Variants in VPS41 observed in about 807,000 individuals in gnomAD.
VPS41 encodes the protein VPS41 subunit of HOPS complex, also known as vacuolar protein sorting-associated protein 41 homolog.
A neutral mutation model predicts 130.9 loss-of-function variants in VPS41; 85 were observed. That is an observed-to-expected ratio of 0.65 (90% CI 0.55 to 0.78). The LOEUF is 0.78. VPS41 is among the 30% of genes least tolerant of loss of function. The probability of loss-of-function intolerance (pLI) is 0.00; values close to 1 mark genes in which losing one functional copy is unlikely to be tolerated. For missense variants in VPS41, 874 were observed against 1,018.7 expected (o/e 0.86, Z 1.93); for synonymous variants, 335 against 332.9 (o/e 1.01, Z -0.07).
chr7:38,841,076 T>C (rs1167183676), intron 4 of VPS41, among the ~76,000 whole-genome samples: 2 of 152,246 alleles, frequency 1.3e-5, no homozygotes. Context: ...TTGAGGGTTG[T>C]AGATTTTTTA....
chr7:38,802,805 G>C (rs1410495917), intron 7 of VPS41, among the ~76,000 whole-genome samples: 1 of 152,000 alleles, frequency 6.6e-6, no homozygotes, highest in Non-Finnish European at 1.5e-5. Flanking sequence ...GCATTTTATG[G>C]GGTAAGCCAT....
At chr7:38,778,718 T>C (rs1434985586) in intron 10 of VPS41, among the ~76,000 whole-genome samples, 1 of 152,174 alleles carries the variant, frequency 6.6e-6, no homozygotes, top group Non-Finnish European at 1.5e-5. Context: ...TGTGCTTGTC[T>C]GCCACAGACA....
chr7:38,741,078 C>T (rs941440453), intron 25 of VPS41, among the ~76,000 whole-genome samples: 6 of 152,178 alleles, frequency 3.9e-5, no homozygotes, highest in African/African-American at 1.4e-4. Flanking sequence ...TGCCTCTTAC[C>T]TAAGGCTGTC....
rs149027868 is a variant in VPS41 at position 38,728,712 on chromosome 7, A to G, written c.2339T>C (p.Met780Thr). 5.9e-5 allele frequency: 95 copies of G among 1,614,054 alleles called. No individual in the cohort carries two copies. The highest frequency in any genetic ancestry group is 7.4e-5 in the Non-Finnish European group (87 of 1,180,026). The change falls in exon 26 of 29, where the codon ATG (methionine) becomes ACG (threonine). Residue 780 changes from methionine to threonine, a missense_variant. By Grantham distance (81) the Met-to-Thr change is moderately conservative. Transcript: ENST00000310301. ...CCCACCATCAACAAGAACACCTTTC[A>G]TTTGAGTTCGGTGCATTTTCTTCAG... ...SLLKKMHRTQMKGVLVDEENI... is the reference protein window; with the variant it reads ...SLLKKMHRTQTKGVLVDEENI...
Position 38,758,408 on chromosome 7 carries a change from T to C in VPS41, c.1496A>G (p.Asp499Gly). 6.2e-7 allele frequency: 1 copy of C among 1,613,594 alleles called. No individual in the cohort carries two copies. Among genetic ancestry groups the C allele is most frequent in the Non-Finnish European group, 8.5e-7 (1 of 1,179,688 alleles). ...NNSVIVQAVR[D>G]HLKKDSQNKT... ...GTTCTGACTATCTTTCTTCAAATGA[T>C]CCCGAACTGCTTGAACTATGACTGA... Residue 499 changes from aspartate (D) to glycine (G), a missense_variant, in exon 18 of 29, where the codon GAT becomes GGT. Transcript: ENST00000310301.
chr7:38,827,300 T>G (rs933214735), intron 5 of VPS41, among the ~76,000 whole-genome samples: 2 of 151,970 alleles, frequency 1.3e-5, no homozygotes, highest in Non-Finnish European at 2.9e-5. Context: ...GTAGAGGAAC[T>G]CTCCCTGACT....
intron 5 of VPS41, among the ~76,000 whole-genome samples, chr7:38,825,572 C>T (rs1037211588): frequency 4.6e-5 from 7 of 152,202 alleles, no homozygotes; most frequent in South Asian, 2.1e-4. Flanking sequence ...TTAAAGGTTA[C>T]GAGAGAGGAC....
intron 9 of VPS41, 74 bp downstream of exon 9, chr7:38,795,391 G>T: frequency 1.5e-6 from 2 of 1,342,928 alleles, no homozygotes; most frequent in Non-Finnish European, 2.0e-6. Context: ...AGCCAATCAA[G>T]ACTCACAGTC....
chr7:38,799,979 G>A (rs1249002802), intron 7 of VPS41, among the ~76,000 whole-genome samples: 1 of 152,054 alleles, frequency 6.6e-6, no homozygotes, highest in Non-Finnish European at 1.5e-5. Flanking sequence ...CTGAACTGCG[G>A]TCTTGGACAC....
intron 8 of VPS41, chr7:38,796,438 T>C: frequency 2.0e-6 from 1 of 495,428 alleles, no homozygotes; most frequent in Non-Finnish European, 3.9e-6. Context: ...GCAAATGATA[T>C]TTTCAAGACC....
chr7:38,741,470 G>C (rs768166874), intron 25 of VPS41: 1 of 205,784 alleles, frequency 4.9e-6, no homozygotes, highest in African/African-American at 2.4e-5. Flanking sequence ...TAATAAAGTT[G>C]CACTATTCTA....
intron 4 of VPS41, among the ~76,000 whole-genome samples, chr7:38,848,655 T>G (rs903939849): frequency 2.0e-5 from 3 of 152,188 alleles, no homozygotes; most frequent in African/African-American, 7.2e-5. Context: ...GGTGTGATTA[T>G]GATCCACACT....
intron 4 of VPS41, among the ~76,000 whole-genome samples, chr7:38,851,422 T>G (rs931621895): frequency 1.3e-5 from 2 of 152,252 alleles, no homozygotes; most frequent in African/African-American, 4.8e-5. Flanking sequence ...TGTTATAATA[T>G]GTAGCCTTTT....
rs561509132 is a variant in VPS41, at chr7:38,801,359, A to G, written c.451-4495T>C. ...GGGGGCTAAAAATTAACCTCTGTAAATGAAACAAATTTTAACTAATTAATA... is the reference window on the plus strand; with the variant it reads ...GGGGGCTAAAAATTAACCTCTGTAAGTGAAACAAATTTTAACTAATTAATA... On this transcript the variant is annotated intron_variant, in intron 7 of 28. Transcript: ENST00000310301. 2.0e-5 allele frequency among the ~76,000 whole-genome samples: 3 copies of G among 152,354 alleles called. No homozygotes were observed. The South Asian group carries it at 6.2e-4, about 32-fold the overall frequency.
chr7:38,806,456 A>C (rs1784839665), intron 7 of VPS41, among the ~76,000 whole-genome samples: 1 of 152,246 alleles, frequency 6.6e-6, no homozygotes, highest in Admixed American at 6.5e-5. Flanking sequence ...CACTGAGCTA[A>C]GAATAGACAT....
At chr7:38,865,088 T>A (rs951706735) in intron 3 of VPS41, among the ~76,000 whole-genome samples, 8 of 152,300 alleles carry the variant, frequency 5.3e-5, no homozygotes, top group African/African-American at 1.9e-4. Context: ...TACCTTCACA[T>A]AGTGTTTTAT....
intron 24 of VPS41, 84 bp from the exon 25 acceptor site, chr7:38,742,205 T>A: frequency 2.3e-6 from 3 of 1,319,434 alleles, no homozygotes; most frequent in South Asian, 1.5e-5. Flanking sequence ...TATAATGCAA[T>A]TTTAGATCAA....
intron 16 of VPS41, among the ~76,000 whole-genome samples, chr7:38,764,365 G>GAGC (rs1584382458): frequency 6.6e-6 from 1 of 152,212 alleles, no homozygotes; most frequent in East Asian, 1.9e-4. Flanking sequence ...GCCCAGAGAT[G>GAGC]CGAGATGGCG....
chr7:38,742,984 A>T (rs151155133), intron 24 of VPS41, among the ~76,000 whole-genome samples: 2 of 152,264 alleles, frequency 1.3e-5, no homozygotes, highest in East Asian at 1.9e-4. Flanking sequence ...ACATCCAAAT[A>T]TCATCAATGT....
Sources: gnomAD v4.1 joint callset for allele counts (sites outside exome capture counted in the v4.1 genomes callset) on GRCh38, gnomAD v4.1.1 for gene constraint, MANE v1.5 for transcripts, NCBI Gene and HGNC (gene_info 2026-07-23, HGNC 2026-07-21) for gene names.